Variants in PPM1B observed in about 807,000 individuals in gnomAD.
The protein encoded by PPM1B is protein phosphatase 1B.
A neutral mutation model predicts 43.0 loss-of-function variants in PPM1B; 22 were observed. The ratio of observed to expected loss-of-function variants is 0.51; its 90% CI spans 0.37 to 0.73. PPM1B has a LOEUF of 0.73. Ranked by LOEUF, PPM1B falls within the 30% of genes least tolerant of loss-of-function variation. PPM1B has a pLI of 0.00. For synonymous variants in PPM1B, 217 were observed against 197.9 expected, an observed-to-expected ratio of 1.10 and a Z score of -0.81; for missense variants, 632 against 584.2, an observed-to-expected ratio of 1.08 and a Z score of -0.84.
At chr2:44,181,160 A>G (rs185734024) in intron 1 of PPM1B, among the ~76,000 whole-genome samples, 145 of 152,236 alleles carry the variant, frequency 9.5e-4, no homozygotes, top group Admixed American at 1.6e-3. Flanking sequence ...GCCCAAGCTG[A>G]TTGGTCTCCG....
At chr2:44,235,603 CAA>C (rs60734033), downstream of PPM1B, among the ~76,000 whole-genome samples, 784 of 73,476 alleles carry the variant, frequency 0.011, 2 homozygotes, top group African/African-American at 0.031. Context: ...AATTCCATCT[CAA>C]AAAAAAAAAA....
chr2:44,231,734 A>G (rs1164487680), downstream of PPM1B, among the ~76,000 whole-genome samples: 1 of 152,146 alleles, frequency 6.6e-6, no homozygotes, highest in Non-Finnish European at 1.5e-5. Flanking sequence ...ATGTGAGAAA[A>G]TTGCCACAGT....
At chr2:44,208,178 G>C (rs1024430155) in intron 2 of PPM1B, among the ~76,000 whole-genome samples, 2 of 151,922 alleles carry the variant, frequency 1.3e-5, no homozygotes, top group Admixed American at 6.6e-5. Context: ...GTGAGCCACC[G>C]TGCCCAGTGT....
intron 5 of PPM1B, among the ~76,000 whole-genome samples, chr2:44,226,979 A>ATTTATTTATTT (rs1558430115): frequency 3.3e-5 from 4 of 121,734 alleles, no homozygotes; most frequent in Non-Finnish European, 7.3e-5. Flanking sequence ...TTTATGAATG[A>ATTTATTTATTT]ATGAATGAAT....
At chr2:44,186,121 T>C (rs1247437964) in intron 1 of PPM1B, among the ~76,000 whole-genome samples, 2 of 152,190 alleles carry the variant, frequency 1.3e-5, no homozygotes, top group African/African-American at 2.4e-5. Flanking sequence ...AATGGTGTTA[T>C]TAGTATGTGA....
chr2:44,209,541 G>T lies in PPM1B; in HGVS notation c.964+214G>T, dbSNP rs1669356981. The T allele has an allele frequency of 1.4e-5, 6 of 433,190 alleles. No homozygotes were observed. In the South Asian group the frequency reaches 1.7e-4, roughly 13 times the overall value. The allele number at this position is 433,190 out of a possible 1,614,324, so 26.8% of individuals were successfully genotyped here. A position where few individuals can be genotyped will look rare whatever the true frequency, so the allele number is the denominator to read the frequency against. ...TCACACCTGTAATCCCAGCACTTTG[G>T]CAGGCTGAGGCGGGCAGATCATGAG... is the stretch of plus-strand genomic sequence containing the variant. On this transcript the variant is annotated intron_variant, in intron 3 of 5. Coordinates refer to ENST00000282412, the MANE Select transcript of PPM1B (RefSeq NM_002706.6).
chr2:44,178,465 TATATATATA>T (rs1667694598), intron 1 of PPM1B, among the ~76,000 whole-genome samples: 1 of 97,020 alleles, frequency 1.0e-5, no homozygotes, highest in African/African-American at 3.7e-5. Context: ...TATATATATA[TATATATATA>T]TTTTTTTTTT....
downstream of PPM1B, among the ~76,000 whole-genome samples, chr2:44,236,075 C>G (rs1670602585): frequency 6.6e-6 from 1 of 151,448 alleles, no homozygotes; most frequent in South Asian, 2.1e-4. Context: ...TAGAAATCCA[C>G]TGGGAGTTGC....
At chr2:44,206,566 A>G (rs909937416) in intron 2 of PPM1B, among the ~76,000 whole-genome samples, 3 of 152,242 alleles carry the variant, frequency 2.0e-5, no homozygotes, top group African/African-American at 7.2e-5. Flanking sequence ...ATAACTTACA[A>G]AAATCGAATG....
At chr2:44,172,545 TTACATCAA>T (rs1667398369) in intron 1 of PPM1B, among the ~76,000 whole-genome samples, 1 of 152,236 alleles carries the variant, frequency 6.6e-6, no homozygotes, top group Admixed American at 6.5e-5. Flanking sequence ...TGGTGTTTAC[TTACATCAA>T]TACATTGAGT....
intron 1 of PPM1B, among the ~76,000 whole-genome samples, chr2:44,197,282 G>C (rs1668708241): frequency 6.6e-6 from 1 of 152,038 alleles, no homozygotes; most frequent in Admixed American, 6.6e-5. Flanking sequence ...ACCATGTCTG[G>C]CTAATTTTTA....
At chr2:44,210,993 G>A (rs1459521683) in intron 3 of PPM1B, among the ~76,000 whole-genome samples, 9 of 151,992 alleles carry the variant, frequency 5.9e-5, no homozygotes, top group African/African-American at 1.9e-4. Context: ...AAAATTAGTC[G>A]GGCGTGGTGG....
intron 5 of PPM1B, among the ~76,000 whole-genome samples, chr2:44,228,932 C>G (rs1572757807): frequency 6.6e-6 from 1 of 152,016 alleles, no homozygotes; most frequent in Non-Finnish European, 1.5e-5. Flanking sequence ...CCTGTAATCC[C>G]AGCACTTTGG....
intron 3 of PPM1B, among the ~76,000 whole-genome samples, chr2:44,212,665 G>A (rs1669529763): frequency 6.6e-6 from 1 of 151,896 alleles, no homozygotes; most frequent in Non-Finnish European, 1.5e-5. Flanking sequence ...TCTTTTAGAT[G>A]TATTCCAGTT....
At chr2:44,244,979 G>A (rs113156530), downstream of PPM1B, among the ~76,000 whole-genome samples, 906 of 151,546 alleles carry the variant, frequency 6.0e-3, 3 homozygotes, top group African/African-American at 0.019. Flanking sequence ...TTCCTATAGC[G>A]GTGTAACAGT....
At chr2:44,224,730 A>T (rs959677019) in intron 5 of PPM1B, among the ~76,000 whole-genome samples, 1 of 152,112 alleles carries the variant, frequency 6.6e-6, no homozygotes, top group Non-Finnish European at 1.5e-5. Flanking sequence ...AGATGTCCTG[A>T]ATTCTCATCT....
downstream of PPM1B, among the ~76,000 whole-genome samples, chr2:44,246,333 A>T (rs537094459): frequency 1.3e-5 from 2 of 152,212 alleles, no homozygotes; most frequent in Admixed American, 6.5e-5. Context: ...CCTATTTTGC[A>T]GGACCTTTAT....
chr2:44,213,211 A>G (rs564494804), intron 3 of PPM1B, among the ~76,000 whole-genome samples: 16 of 150,044 alleles, frequency 1.1e-4, no homozygotes, highest in African/African-American at 3.4e-4. Context: ...ATATGAAATT[A>G]CTTTTTATAA....
intron 3 of PPM1B, among the ~76,000 whole-genome samples, chr2:44,214,353 G>C (rs1315980141): frequency 6.6e-6 from 1 of 151,346 alleles, no homozygotes; most frequent in Non-Finnish European, 1.5e-5. Flanking sequence ...ACAGGCGTGA[G>C]CCACTGCGCC....
Sources: allele counts gnomAD v4.1 joint callset (sites outside exome capture counted in the v4.1 genomes callset), GRCh38; gene constraint gnomAD v4.1.1; transcripts MANE v1.5; gene names NCBI Gene and HGNC (gene_info 2026-07-23, HGNC 2026-07-21).